MAP4: variants seen among roughly 807,000 people sequenced by gnomAD.
The protein encoded by MAP4 is microtubule associated protein 4.
In MAP4, 76 loss-of-function variants were observed where a neutral mutation model predicts 170.2. That is an observed-to-expected ratio of 0.45 (90% confidence interval 0.37 to 0.54). The LOEUF is 0.54. Ranked by LOEUF, MAP4 falls within the 20% of genes least tolerant of loss-of-function variation. The pLI is 0.00. For missense variants in MAP4, 2,506 were observed against 2,748.0 expected (o/e 0.91, Z 1.97); for synonymous variants, 909 against 994.5 (o/e 0.91, Z 1.62).
intron 1 of MAP4, among the ~76,000 whole-genome samples, chr3:48,070,308 T>G (rs1452651637): frequency 6.6e-6 from 1 of 151,778 alleles, no homozygotes; most frequent in Non-Finnish European, 1.5e-5. Context: ...GGATTACAAG[T>G]GTGAGCCACC....
chr3:47,952,069 C>CT (rs1271854223), intron 3 of MAP4, among the ~76,000 whole-genome samples: 2 of 151,260 alleles, frequency 1.3e-5, no homozygotes, highest in Non-Finnish European at 2.9e-5. Flanking sequence ...AGGAGCGTCT[C>CT]TGCCCGGCCG....
chr3:47,874,134 G>A lies in MAP4; in HGVS notation c.5757+1551C>T, dbSNP rs575405092. On this transcript the variant is annotated intron_variant, in intron 12 of 20. Coordinates refer to ENST00000683076, the MANE Select transcript of MAP4 (RefSeq NM_001385682.1). Reference sequence around the variant, plus strand: ...TTCTAAGTGTGCTATTTGGCAAATCGCTGGGCCTCTCTGAGCTTTATTTCC... The same window carrying A: ...TTCTAAGTGTGCTATTTGGCAAATCACTGGGCCTCTCTGAGCTTTATTTCC... Among the ~76,000 whole-genome samples, 14 of 152,260 alleles carry A rather than the reference G, an allele frequency of 9.2e-5. No homozygotes were observed. The East Asian group carries it at 1.2e-3, about 13-fold the overall frequency.
rs976097662 is a variant in MAP4, at chr3:47,852,204, G to A, written c.*730C>T. On this transcript the variant is annotated 3_prime_UTR_variant, in exon 21 of 21. Coordinates refer to ENST00000683076, the MANE Select transcript of MAP4 (RefSeq NM_001385682.1). ...TTACTGAGGACTTTCATGTAGACAT[G>A]GCTTCAACCTGCAGAACTATTTTGC... 6.5e-6 allele frequency: 1 copy of A among 153,274 alleles called. No homozygotes were observed. The highest frequency in any genetic ancestry group is 2.4e-5 in the African/African-American group (1 of 41,438). 9.5% of individuals were successfully genotyped at this position (153,274 alleles called of 1,614,324 possible). A position where few individuals can be genotyped will look rare whatever the true frequency, so the allele number is the denominator to read the frequency against.
At chr3:47,908,470 T>G (rs1560004169) in intron 9 of MAP4, among the ~76,000 whole-genome samples, 1 of 152,144 alleles carries the variant, frequency 6.6e-6, no homozygotes, top group Non-Finnish European at 1.5e-5. Flanking sequence ...TCATTTCCCA[T>G]TACTAGAAAC....
chr3:48,087,745 GCACA>G (rs1171639123), intron 1 of MAP4, among the ~76,000 whole-genome samples: 2,844 of 105,656 alleles, frequency 0.027, 32 homozygotes, highest in South Asian at 0.048. Context: ...ACACGCACGC[GCACA>G]CACACACACA....
At chr3:47,922,399 T>C (rs1284158307) in intron 4 of MAP4, among the ~76,000 whole-genome samples, 1 of 152,214 alleles carries the variant, frequency 6.6e-6, no homozygotes, top group Non-Finnish European at 1.5e-5. Context: ...AAGATTTGGT[T>C]ATGTACATCA....
chr3:47,985,008 G>A (rs747831925), intron 2 of MAP4, among the ~76,000 whole-genome samples: 7 of 151,656 alleles, frequency 4.6e-5, no homozygotes, highest in Non-Finnish European at 1.0e-4. Flanking sequence ...TAGGCTGGGG[G>A]GTGGCTCATG....
intron 1 of MAP4, among the ~76,000 whole-genome samples, chr3:48,063,465 T>C (rs1178429545): frequency 6.6e-6 from 1 of 151,682 alleles, no homozygotes; most frequent in Non-Finnish European, 1.5e-5. Flanking sequence ...AAACATACTC[T>C]CTCACCACAC....
At position 47,853,293 on chromosome 3, in the gene MAP4, C is replaced by T. The variant is rs545579932; in HGVS notation, c.6756G>A (p.Pro2252=). 1.3e-5 allele frequency: 21 copies of T among 1,610,666 alleles called. No individual in the cohort carries two copies. The highest frequency in any genetic ancestry group is 2.7e-5 in the African/African-American group (2 of 74,952). ...CTTCAGGCGCTGCCTCAGAGATGGC[C>T]GGCTCCTCCCCAGCAGGGGGACCCG... ...LCPGPPAGEE[P]AISEAAPEAG... is the part of the protein sequence containing the mutation. The change falls in exon 20 of 21, where the codon CCG becomes CCA. Residue 2252 remains proline (P), a synonymous_variant. Transcript: ENST00000683076.
At chr3:47,893,026 TAA>T (rs35541072) in intron 10 of MAP4, among the ~76,000 whole-genome samples, 25 of 118,118 alleles carry the variant, frequency 2.1e-4, no homozygotes, top group African/African-American at 1.2e-4. Context: ...AAAATTGGAC[TAA>T]AAAAAAAAAA....
chr3:48,010,797 A>T (rs1385278937), intron 1 of MAP4, among the ~76,000 whole-genome samples: 2 of 152,170 alleles, frequency 1.3e-5, no homozygotes, highest in East Asian at 3.9e-4. Flanking sequence ...AGCAGGAAGA[A>T]AAACATGAAG....
chr3:48,050,258 CAAA>C (rs11345368), intron 1 of MAP4, among the ~76,000 whole-genome samples: 6 of 120,556 alleles, frequency 5.0e-5, no homozygotes, highest in Non-Finnish European at 6.9e-5. Flanking sequence ...GACTCCATCT[CAAA>C]AAAAAAAAAA....
At chr3:48,083,841 C>A (rs1218892040) in intron 1 of MAP4, among the ~76,000 whole-genome samples, 2 of 151,308 alleles carry the variant, frequency 1.3e-5, no homozygotes, top group African/African-American at 4.9e-5. Context: ...ATTCTCCTGT[C>A]TCAGCCTCGC....
In MAP4 at chr3:47,915,887, C is replaced by T. The variant is rs904761931; in HGVS notation, c.1876+64G>A. 19 of 1,525,280 alleles carry T rather than the reference C, an allele frequency of 1.2e-5. No individual in the cohort carries two copies. In the African/African-American group the frequency reaches 2.2e-4, roughly 18 times the overall value. 94.5% of individuals were successfully genotyped at this position (1,525,280 alleles called of 1,614,324 possible). On this transcript the variant is annotated intron_variant, in intron 7 of 20. Coordinates refer to ENST00000683076, the MANE Select transcript of MAP4 (RefSeq NM_001385682.1). ...GTACTTTACCTGGCATGATGTTTGT[C>T]CTTAGTCTTCTCGAGACTACAACCT...
chr3:47,955,652 T>G (rs1339493887), intron 3 of MAP4, among the ~76,000 whole-genome samples: 2 of 152,144 alleles, frequency 1.3e-5, no homozygotes, highest in Admixed American at 6.6e-5. Flanking sequence ...TCAAAACATG[T>G]CAAAATTTCC....
At chr3:47,995,278 T>A (rs2100094800) in intron 2 of MAP4, among the ~76,000 whole-genome samples, 1 of 140,392 alleles carries the variant, frequency 7.1e-6, no homozygotes, top group Non-Finnish European at 1.5e-5. Flanking sequence ...TGAGACAGAG[T>A]CTCGTTCTCT....
chr3:48,002,741 C>T (rs892944132), intron 1 of MAP4, among the ~76,000 whole-genome samples: 6 of 137,736 alleles, frequency 4.4e-5, no homozygotes, highest in African/African-American at 1.0e-4. Flanking sequence ...ATTAGCTGGG[C>T]GTGGTATCAC....
intron 5 of MAP4, among the ~76,000 whole-genome samples, chr3:47,919,983 A>T (rs2100041890): frequency 6.6e-6 from 1 of 151,842 alleles, no homozygotes; most frequent in African/African-American, 2.4e-5. Context: ...TTTATTTATT[A>T]ATTTTTGAGA....
At chr3:47,949,904 G>A (rs2100062592) in intron 3 of MAP4, among the ~76,000 whole-genome samples, 1 of 152,176 alleles carries the variant, frequency 6.6e-6, no homozygotes, top group Non-Finnish European at 1.5e-5. Context: ...AGTGGCTTCA[G>A]GTGAGTTCCA....
Sources: allele counts gnomAD v4.1 joint callset (sites outside exome capture counted in the v4.1 genomes callset), GRCh38; gene constraint gnomAD v4.1.1; transcripts MANE v1.5; gene names NCBI Gene and HGNC (gene_info 2026-07-23, HGNC 2026-07-21).